IHO1: variants seen among roughly 807,000 people sequenced by gnomAD.
The protein encoded by IHO1 is interactor of HORMAD1 protein 1.
A neutral mutation model predicts 31.0 loss-of-function variants in IHO1; 13 were observed. The observed-to-expected ratio is 0.42, with a 90% CI of 0.27 to 0.67. The LOEUF is 0.67. Ranked by LOEUF, IHO1 falls within the 30% of genes least tolerant of loss-of-function variation. The probability of loss-of-function intolerance (pLI) is 0.24; values close to 1 mark genes in which losing one functional copy is unlikely to be tolerated. For synonymous variants in IHO1, 221 were observed against 248.4 expected (o/e 0.89, Z 1.04); for missense variants, 599 against 687.5 (o/e 0.87, Z 1.44).
Position 49,257,397 on chromosome 3 carries a change from G to T in IHO1, c.*115G>T. The stretch of plus-strand genomic sequence containing the variant: ...CCAAGTACCCAGGGTCAGAGGCCCT[G>T]CTGAGGTGGGGCAATGAGCACGAGG... On this transcript the variant is annotated 3_prime_UTR_variant, in exon 8 of 8. Coordinates refer to ENST00000452691, the MANE Select transcript of IHO1 (RefSeq NM_001135197.2). The T allele has an allele frequency of 1.9e-6, 2 of 1,042,268 alleles. No individual in the cohort carries two copies. The highest frequency in any genetic ancestry group is 2.8e-6 in the Non-Finnish European group (2 of 705,892). 64.6% of individuals were successfully genotyped at this position (1,042,268 alleles called of 1,614,324 possible).
At chr3:49,200,612 C>G (rs1575561110) in intron 1 of IHO1, 1 of 980,750 alleles carries the variant, frequency 1.0e-6, no homozygotes, top group East Asian at 1.1e-4. Flanking sequence ...CGTGTTCCTC[C>G]CTTGTGTACC....
At chr3:49,246,761 C>T (rs2046699877) in intron 6 of IHO1, among the ~76,000 whole-genome samples, 1 of 152,104 alleles carries the variant, frequency 6.6e-6, no homozygotes, top group African/African-American at 2.4e-5. Flanking sequence ...GGCCCCAACA[C>T]AAGATCAAGG....
At chr3:49,209,199 C>T (rs1307144047) in intron 1 of IHO1, among the ~76,000 whole-genome samples, 1 of 152,178 alleles carries the variant, frequency 6.6e-6, no homozygotes, top group East Asian at 1.9e-4. Flanking sequence ...TGGTTTCATT[C>T]TCAACATTAA....
intron 4 of IHO1, among the ~76,000 whole-genome samples, chr3:49,243,780 A>AGTAGTAT (rs1442562509): frequency 6.8e-6 from 1 of 147,678 alleles, no homozygotes; most frequent in Non-Finnish European, 1.5e-5. Context: ...AAAAAAAAAG[A>AGTAGTAT]GTAGTATGTA....
intron 1 of IHO1, chr3:49,200,624 A>C (rs2046058429): frequency 2.1e-6 from 2 of 969,310 alleles, no homozygotes; most frequent in Non-Finnish European, 2.5e-6. Context: ...TTGTGTACCC[A>C]CCCTGCCAGG....
the IHO1 span, among the ~76,000 whole-genome samples, chr3:49,192,017 A>G: frequency 1.3e-5 from 2 of 152,208 alleles, no homozygotes; most frequent in Non-Finnish European, 2.9e-5. Context: ...GCCCTTATAT[A>G]TAGAAACACA....
At chr3:49,225,469 A>C (rs889016211) in intron 2 of IHO1, among the ~76,000 whole-genome samples, 6 of 152,296 alleles carry the variant, frequency 3.9e-5, no homozygotes, top group African/African-American at 1.2e-4. Context: ...TCTCAAAAAA[A>C]AAAAAAGAAA....
At chr3:49,254,610 T>A (rs2046801851) in intron 6 of IHO1, among the ~76,000 whole-genome samples, 1 of 151,996 alleles carries the variant, frequency 6.6e-6, no homozygotes, top group South Asian at 2.1e-4. Context: ...AACAGGGTAC[T>A]TGAAGCTAAG....
intron 1 of IHO1, chr3:49,200,666 C>G: frequency 4.5e-6 from 3 of 659,820 alleles, no homozygotes; most frequent in Non-Finnish European, 5.6e-6. Flanking sequence ...CCATTCCTTG[C>G]ATGCACTCAA....
In IHO1 at chr3:49,256,535, G is replaced by T; in HGVS notation, c.1038G>T (p.Arg346Ser). The change falls in exon 8 of 8, where the codon AGG becomes AGT. Residue 346 changes from arginine (R) to serine (S), a missense_variant. Physicochemically the swap from Arg to Ser is moderately radical, Grantham distance 110 (BLOSUM62 -1). Transcript: ENST00000452691. The surrounding 1 kb of genome is among the most constrained non-coding windows in gnomAD (Gnocchi z 4.6). ...LPAFGSHERN[R>S]HVKDKVVQTN... ...CATTTGGGTCCCATGAAAGAAATAGGCATGTAAAGGACAAGGTGGTGCAGA... is the reference window on the plus strand; with the variant it reads ...CATTTGGGTCCCATGAAAGAAATAGTCATGTAAAGGACAAGGTGGTGCAGA... The T allele has an allele frequency of 6.2e-7, 1 of 1,614,174 alleles. No homozygotes were observed. Among genetic ancestry groups the T allele is most frequent in the Non-Finnish European group, 8.5e-7 (1 of 1,180,034 alleles).
intron 3 of IHO1, among the ~76,000 whole-genome samples, chr3:49,239,428 T>A (rs1469271327): frequency 1.3e-5 from 2 of 151,102 alleles, no homozygotes; most frequent in Non-Finnish European, 2.9e-5. Context: ...ACTATGGGCG[T>A]GCACCACCAC....
At chr3:49,232,383 G>A (rs1019884174) in intron 2 of IHO1, among the ~76,000 whole-genome samples, 2 of 152,208 alleles carry the variant, frequency 1.3e-5, no homozygotes, top group Non-Finnish European at 2.9e-5. Flanking sequence ...CAGCTGAACA[G>A]CATCTACAGA....
upstream of IHO1, chr3:49,199,436 G>T (rs1434012523): frequency 6.6e-6 from 1 of 151,826 alleles, no homozygotes; most frequent in East Asian, 1.9e-4. Context: ...GCGGGGCCCT[G>T]GGACAGGACG....
At chr3:49,250,946 C>T (rs1301105601) in intron 6 of IHO1, among the ~76,000 whole-genome samples, 2 of 151,944 alleles carry the variant, frequency 1.3e-5, no homozygotes, top group Admixed American at 1.3e-4. Flanking sequence ...ATCGCTTGAA[C>T]CCTGGAGGCA....
intron 1 of IHO1, chr3:49,199,898 G>C (rs1458056309): frequency 6.6e-6 from 1 of 152,264 alleles, no homozygotes; most frequent in East Asian, 1.9e-4. Flanking sequence ...AGTGAGCGGA[G>C]ACCCAGAGAA....
Position 49,257,136 on chromosome 3 carries a change from C to T in IHO1, c.1639C>T (p.Leu547Phe), listed in dbSNP as rs2046836467. 2 of 1,614,060 alleles carry T rather than the reference C, an allele frequency of 1.2e-6. No homozygotes were observed. Among genetic ancestry groups the T allele is most frequent in the Non-Finnish European group, 1.7e-6 (2 of 1,180,042 alleles). Residue 547 changes from leucine to phenylalanine, a missense_variant, in exon 8 of 8, where the codon CTT (leucine) becomes TTT (phenylalanine). Physicochemically the swap from Leu to Phe is conservative, Grantham distance 22. Coordinates refer to ENST00000452691, the MANE Select transcript of IHO1 (RefSeq NM_001135197.2). ...SRCSSQDNWL[L>F]SSSSQGDHQM... Reference sequence around the variant, plus strand: ...GTGCTCTTCCCAAGACAACTGGCTACTTTCCAGCAGTTCCCAGGGGGACCA... The same window carrying T: ...GTGCTCTTCCCAAGACAACTGGCTATTTTCCAGCAGTTCCCAGGGGGACCA...
intron 1 of IHO1, among the ~76,000 whole-genome samples, chr3:49,207,851 G>A (rs2046159267): frequency 6.6e-6 from 1 of 150,558 alleles, no homozygotes; most frequent in Non-Finnish European, 1.5e-5. Context: ...GCGGTTCACT[G>A]CAAGCTCCGC....
chr3:49,220,779 AAT>A (rs1337171360), intron 2 of IHO1, among the ~76,000 whole-genome samples: 2 of 152,128 alleles, frequency 1.3e-5, no homozygotes, highest in Non-Finnish European at 2.9e-5. Context: ...GAGGCAGGAG[AAT>A]GGCATGAACC....
At chr3:49,250,858 C>T (rs1274622374) in intron 6 of IHO1, among the ~76,000 whole-genome samples, 2 of 151,876 alleles carry the variant, frequency 1.3e-5, no homozygotes, top group African/African-American at 4.8e-5. Context: ...GGTAAAACCC[C>T]GTCTCTACTA....
Sources: allele counts gnomAD v4.1 joint callset (sites outside exome capture counted in the v4.1 genomes callset), GRCh38; gene constraint gnomAD v4.1.1; non-coding constraint Gnocchi (gnomAD v3.1); transcripts MANE v1.5; gene names NCBI Gene and HGNC (gene_info 2026-07-23, HGNC 2026-07-21).